The following DLC1 variants were observed in gnomAD, a reference collection of about 807,000 sequenced individuals.
DLC1 encodes the protein rho GTPase-activating protein 7.
Under a neutral mutation model 140.3 loss-of-function variants are expected in DLC1, and 54 were observed. That is an observed-to-expected ratio of 0.38 (90% confidence interval 0.31 to 0.48). The LOEUF (loss-of-function observed/expected upper bound fraction) is 0.48. Among genes scored for constraint, DLC1 ranks in the 20% least tolerant of loss-of-function variants. DLC1 has a pLI of 0.96. For synonymous variants in DLC1, 986 were observed against 728.1 expected, an observed-to-expected ratio of 1.35 and a Z score of -5.70; for missense variants, 2,536 against 1,907.0, an observed-to-expected ratio of 1.33 and a Z score of -6.14.
chr8:13,285,000 T>A (rs1218325690), intron 5 of DLC1, among the ~76,000 whole-genome samples: 1 of 152,216 alleles, frequency 6.6e-6, no homozygotes, highest in African/African-American at 2.4e-5. Flanking sequence ...GCAGGTTTTT[T>A]TGTTTGTCTG....
At chr8:13,118,957 G>A (rs1019561422) in intron 5 of DLC1, among the ~76,000 whole-genome samples, 4 of 152,034 alleles carry the variant, frequency 2.6e-5, no homozygotes, top group African/African-American at 7.2e-5. Context: ...AGCTCTGTGC[G>A]GTGACTCACG....
intron 9 of DLC1, 97 bp from the exon 10 acceptor site, chr8:13,098,672 G>A: frequency 2.3e-6 from 3 of 1,321,940 alleles, no homozygotes; most frequent in Non-Finnish European, 3.1e-6. Context: ...CTGGAGTGCA[G>A]TGGTGCCATC....
chr8:13,507,834 G>A (rs892062595), intron 1 of DLC1, among the ~76,000 whole-genome samples: 3 of 152,200 alleles, frequency 2.0e-5, no homozygotes, highest in African/African-American at 7.2e-5. Context: ...AGGGGAATAA[G>A]TAGTGTTTCA....
At chr8:13,315,238 G>A (rs1345550876) in intron 4 of DLC1, among the ~76,000 whole-genome samples, 8 of 152,160 alleles carry the variant, frequency 5.3e-5, no homozygotes, top group Non-Finnish European at 1.2e-4. Flanking sequence ...AAGATGGTGA[G>A]ACCCTGTCTC....
intron 5 of DLC1, among the ~76,000 whole-genome samples, chr8:13,236,149 T>C (rs1229861477): frequency 6.6e-6 from 1 of 152,062 alleles, no homozygotes; most frequent in Non-Finnish European, 1.5e-5. Context: ...AGGTAGAATC[T>C]ATTGTAGTTT....
At chr8:13,290,047 CTT>C (rs147533039) in intron 5 of DLC1, among the ~76,000 whole-genome samples, 11,716 of 152,060 alleles carry the variant, frequency 0.077, 502 homozygotes, top group South Asian at 0.16. Context: ...CAGGTAGTGT[CTT>C]CAATAGTTTT....
At chr8:13,288,343 A>T (rs1831614334) in intron 5 of DLC1, among the ~76,000 whole-genome samples, 2 of 152,172 alleles carry the variant, frequency 1.3e-5, no homozygotes, top group Admixed American at 1.3e-4. Context: ...TTCCTTGTAA[A>T]AATTATAATC....
At chr8:13,306,581 TGTGA>T (rs879731661) in intron 4 of DLC1, among the ~76,000 whole-genome samples, 220 of 149,460 alleles carry the variant, frequency 1.5e-3, no homozygotes, top group East Asian at 0.013. Flanking sequence ...TGTGTGTGTG[TGTGA>T]GAGAGAGAGA....
At chr8:13,561,555 G>A (rs1278418416) in intron 1 of DLC1, among the ~76,000 whole-genome samples, 1 of 152,026 alleles carries the variant, frequency 6.6e-6, no homozygotes, top group East Asian at 1.9e-4. Context: ...CAATATTGAA[G>A]GAACATAGAT....
chr8:13,345,570 T>TTTTTTC (rs869066330), intron 4 of DLC1, among the ~76,000 whole-genome samples: 1 of 110,136 alleles, frequency 9.1e-6, no homozygotes, highest in Non-Finnish European at 2.1e-5. Flanking sequence ...TTTTTTTTTT[T>TTTTTTC]GGAGATGGAG....
chr8:13,172,969 G>A (rs1352722958), intron 5 of DLC1, among the ~76,000 whole-genome samples: 6 of 152,142 alleles, frequency 3.9e-5, no homozygotes, highest in South Asian at 2.1e-4. Flanking sequence ...AAAGTCATTA[G>A]GGTGTATAAA....
At chr8:13,376,185 C>T (rs1835975726) in intron 4 of DLC1, among the ~76,000 whole-genome samples, 2 of 152,162 alleles carry the variant, frequency 1.3e-5, no homozygotes. Context: ...TATTGGCTCC[C>T]ATTTTCTCTT....
intron 5 of DLC1, among the ~76,000 whole-genome samples, chr8:13,121,245 A>G (rs1229702055): frequency 6.6e-6 from 1 of 152,224 alleles, no homozygotes; most frequent in Non-Finnish European, 1.5e-5. Context: ...AGCTGTGTGC[A>G]GGCAGGTGGT....
At chr8:13,599,921 A>G (rs1265547402) in intron 1 of DLC1, among the ~76,000 whole-genome samples, 5 of 152,024 alleles carry the variant, frequency 3.3e-5, no homozygotes, top group Admixed American at 2.0e-4. Context: ...ATCAGTCTGT[A>G]TGAGGTATGG....
chr8:13,362,523 C>G (rs1280350375), intron 4 of DLC1, among the ~76,000 whole-genome samples: 1 of 151,938 alleles, frequency 6.6e-6, no homozygotes, highest in Non-Finnish European at 1.5e-5. Flanking sequence ...CCTTCATTAG[C>G]TCACATCCCT....
At chr8:13,414,918 T>C (rs1837976353) in intron 2 of DLC1, among the ~76,000 whole-genome samples, 2 of 151,866 alleles carry the variant, frequency 1.3e-5, no homozygotes, top group East Asian at 1.9e-4. Flanking sequence ...TCAAGCGATA[T>C]TCCTGCCTCA....
intron 1 of DLC1, among the ~76,000 whole-genome samples, chr8:13,504,420 C>T (rs986709589): frequency 1.2e-4 from 18 of 152,300 alleles, no homozygotes; most frequent in East Asian, 5.8e-4. Context: ...CCACCGCGCC[C>T]GGCCTTCAGA....
intron 2 of DLC1, among the ~76,000 whole-genome samples, chr8:13,442,777 A>G (rs1375325186): frequency 6.6e-6 from 1 of 152,234 alleles, no homozygotes; most frequent in Non-Finnish European, 1.5e-5. Context: ...TAGTTCAACC[A>G]TTGTGGAAGT....
intron 2 of DLC1, among the ~76,000 whole-genome samples, chr8:13,419,455 G>A (rs186973897): frequency 6.6e-6 from 1 of 152,138 alleles, no homozygotes; most frequent in Non-Finnish European, 1.5e-5. Context: ...GGCCTTTTCT[G>A]CATATGTTGA....
Sources: allele counts gnomAD v4.1 joint callset (sites outside exome capture counted in the v4.1 genomes callset), GRCh38; gene constraint gnomAD v4.1.1; transcripts MANE v1.5; gene names NCBI Gene and HGNC (gene_info 2026-07-23, HGNC 2026-07-21).